The following WWC2 variants were observed in gnomAD, a reference collection of about 807,000 sequenced individuals.
WWC2 encodes WW and C2 domain containing 2.
WWC2 carries 101 observed loss-of-function variants against 138.5 expected under a neutral mutation model. The observed-to-expected ratio is 0.73, with a 90% CI of 0.62 to 0.86. WWC2 has a LOEUF of 0.86. Ranked by LOEUF, WWC2 falls within the 40% of genes least tolerant of loss-of-function variation. The probability of loss-of-function intolerance (pLI) is 0.00; values close to 1 mark genes in which losing one functional copy is unlikely to be tolerated. For synonymous variants in WWC2, 558 were observed against 538.4 expected, an observed-to-expected ratio of 1.04 and a Z score of -0.50; for missense variants, 1,420 against 1,419.4, an observed-to-expected ratio of 1.00 and a Z score of -0.01.
intron 8 of WWC2, among the ~76,000 whole-genome samples, chr4:183,250,274 T>C (rs1736938728): frequency 6.6e-6 from 1 of 151,442 alleles, no homozygotes; most frequent in Admixed American, 6.6e-5. Context: ...TTTGAGTTGG[T>C]ACAATACTTA....
intron 1 of WWC2, among the ~76,000 whole-genome samples, chr4:183,110,977 C>T (rs902021502): frequency 1.3e-5 from 2 of 152,058 alleles, no homozygotes; most frequent in Non-Finnish European, 2.9e-5. Context: ...CGGTGGCTCA[C>T]GCCTGTAATC....
intron 21 of WWC2, among the ~76,000 whole-genome samples, chr4:183,308,272 CAGT>C (rs2111114406): frequency 6.6e-6 from 1 of 152,232 alleles, no homozygotes; most frequent in African/African-American, 2.4e-5. Context: ...TAGGAAGACT[CAGT>C]ATTGTCAAGA....
chr4:183,215,448 GA>G (rs138914466), intron 4 of WWC2, among the ~76,000 whole-genome samples: 5,428 of 144,594 alleles, frequency 0.038, 336 homozygotes, highest in African/African-American at 0.13. Flanking sequence ...ACATTCGCAA[GA>G]AAAAAAAAAG....
chr4:183,284,659 G>T (rs1276712882), intron 19 of WWC2, among the ~76,000 whole-genome samples: 1 of 152,140 alleles, frequency 6.6e-6, no homozygotes, highest in Non-Finnish European at 1.5e-5. Flanking sequence ...CTGAGTATTT[G>T]TACGTTATTT....
At chr4:183,196,417 C>G (rs1167183786) in intron 2 of WWC2, among the ~76,000 whole-genome samples, 1 of 152,166 alleles carries the variant, frequency 6.6e-6, no homozygotes, top group African/African-American at 2.4e-5. Flanking sequence ...TTTCTTTTGC[C>G]TCTTTCTTCT....
chr4:183,315,774 G>C lies in WWC2; in HGVS notation c.*45G>C, dbSNP rs775913580. 21 of 1,521,750 alleles carry C rather than the reference G, an allele frequency of 1.4e-5. No individual in the cohort carries two copies. Among genetic ancestry groups the C allele is most frequent in the Non-Finnish European group, 1.8e-5 (20 of 1,108,016 alleles). 94.3% of individuals were successfully genotyped at this position (1,521,750 alleles called of 1,614,324 possible). A position where few individuals can be genotyped will look rare whatever the true frequency, so the allele number is the denominator to read the frequency against. ...ATTTTTTCATCTGTTCACTTTCTTA[G>C]GGAGGGTAAAAGACTGAAGATTTGT... On this transcript the variant is annotated 3_prime_UTR_variant, in exon 23 of 23. Coordinates refer to ENST00000403733, the MANE Select transcript of WWC2 (RefSeq NM_024949.6).
chr4:183,127,838 C>A (rs2111063593), intron 1 of WWC2, among the ~76,000 whole-genome samples: 1 of 152,016 alleles, frequency 6.6e-6, no homozygotes, highest in East Asian at 1.9e-4. Flanking sequence ...TTACAAAGGG[C>A]CAACTGTCCT....
intron 1 of WWC2, among the ~76,000 whole-genome samples, chr4:183,117,843 C>T (rs1732466084): frequency 6.6e-6 from 1 of 151,336 alleles, no homozygotes; most frequent in South Asian, 2.1e-4. Context: ...GCTGGAGTGC[C>T]AGGCTGGAAT....
chr4:183,190,043 A>C (rs1391790206), intron 1 of WWC2, among the ~76,000 whole-genome samples: 3 of 152,206 alleles, frequency 2.0e-5, no homozygotes, highest in African/African-American at 2.4e-5. Context: ...TGCTGCAGTA[A>C]ATTACCGTTT....
intron 1 of WWC2, among the ~76,000 whole-genome samples, chr4:183,113,224 A>G (rs1732293026): frequency 6.6e-6 from 1 of 151,992 alleles, no homozygotes; most frequent in Admixed American, 6.5e-5. Context: ...GTGAGCTGAG[A>G]TTGCACCACT....
chr4:183,252,283 G>A (rs376166277), intron 8 of WWC2, among the ~76,000 whole-genome samples: 2 of 152,198 alleles, frequency 1.3e-5, no homozygotes, highest in East Asian at 3.9e-4. Flanking sequence ...ATCATCCAAC[G>A]TTTTTCTGTA....
intron 4 of WWC2, among the ~76,000 whole-genome samples, chr4:183,220,820 C>T (rs545417814): frequency 6.1e-4 from 89 of 146,358 alleles, no homozygotes; most frequent in African/African-American, 2.1e-3. Flanking sequence ...GGCGACAGAG[C>T]GAGACTCCGT....
At chr4:183,207,448 A>G (rs1008817299) in intron 2 of WWC2, among the ~76,000 whole-genome samples, 1 of 152,242 alleles carries the variant, frequency 6.6e-6, no homozygotes, top group Non-Finnish European at 1.5e-5. Flanking sequence ...ATAACTGACT[A>G]AAATCGCTAT....
At chr4:183,204,651 A>C (rs767445907) in intron 2 of WWC2, among the ~76,000 whole-genome samples, 1 of 152,198 alleles carries the variant, frequency 6.6e-6, no homozygotes, top group East Asian at 1.9e-4. Flanking sequence ...AATTGCATCT[A>C]TTTTCACTAT....
At position 183,269,112 on chromosome 4, in the gene WWC2, A is replaced by C; in HGVS notation, c.2349A>C (p.Thr783=). ...AISQTALQQK[T]LRVDLCSVSK... ...CCCAAACAGCCTTACAACAGAAGACACTGAGGGTAGACCTTTGCTCTGTCA... is the reference window on the plus strand; with the variant it reads ...CCCAAACAGCCTTACAACAGAAGACCCTGAGGGTAGACCTTTGCTCTGTCA... The change falls in exon 15 of 23, where the codon ACA becomes ACC. Residue 783 remains threonine, a synonymous_variant. Transcript: ENST00000403733. The C allele has an allele frequency of 6.2e-7, 1 of 1,613,950 alleles. No individual in the cohort carries two copies. The highest frequency in any genetic ancestry group is 8.5e-7 in the Non-Finnish European group (1 of 1,179,878).
chr4:183,117,261 C>G (rs936775774), intron 1 of WWC2, among the ~76,000 whole-genome samples: 6 of 147,824 alleles, frequency 4.1e-5, no homozygotes, highest in African/African-American at 1.5e-4. Flanking sequence ...TGCTCTGTCC[C>G]CCAGGCTGGA....
At chr4:183,116,173 T>C (rs1396938693) in intron 1 of WWC2, among the ~76,000 whole-genome samples, 4 of 152,134 alleles carry the variant, frequency 2.6e-5, no homozygotes, top group Non-Finnish European at 5.9e-5. Flanking sequence ...ATTTCTGGTT[T>C]TTCTAACATG....
chr4:183,177,201 C>T (rs1207132330), intron 1 of WWC2, among the ~76,000 whole-genome samples: 1 of 152,204 alleles, frequency 6.6e-6, no homozygotes, highest in Non-Finnish European at 1.5e-5. Flanking sequence ...TTAGTCAGCT[C>T]TGCTGTGGTA....
At chr4:183,239,184 G>A (rs575620191) in intron 4 of WWC2, among the ~76,000 whole-genome samples, 4 of 152,076 alleles carry the variant, frequency 2.6e-5, no homozygotes, top group African/African-American at 4.8e-5. Context: ...GCGTGGTGGC[G>A]GGCGCCTGTA....
Sources: allele counts gnomAD v4.1 joint callset (sites outside exome capture counted in the v4.1 genomes callset), GRCh38; gene constraint gnomAD v4.1.1; transcripts MANE v1.5; gene names NCBI Gene and HGNC (gene_info 2026-07-23, HGNC 2026-07-21).